LTBP1: variants seen among roughly 807,000 people sequenced by gnomAD.
The protein encoded by LTBP1 is latent-transforming growth factor beta-binding protein 1.
In LTBP1, 129 loss-of-function variants were observed where a neutral mutation model predicts 207.6. The ratio of observed to expected loss-of-function variants is 0.62; its 90% CI spans 0.54 to 0.72. The LOEUF is 0.72. LTBP1 is among the 30% of genes least tolerant of loss of function. LTBP1 has a pLI of 0.00. For missense variants in LTBP1, 2,281 were observed against 2,217.2 expected (o/e 1.03, Z -0.58); for synonymous variants, 963 against 833.7 (o/e 1.16, Z -2.67).
At chr2:33,189,510 A>T (rs2087598837) in intron 7 of LTBP1, among the ~76,000 whole-genome samples, 1 of 152,194 alleles carries the variant, frequency 6.6e-6, no homozygotes, top group African/African-American at 2.4e-5. Flanking sequence ...GAAATGTTTC[A>T]GGAAGTCCAT....
At chr2:33,123,290 C>T (rs1321389802) in intron 4 of LTBP1, among the ~76,000 whole-genome samples, 4 of 152,138 alleles carry the variant, frequency 2.6e-5, no homozygotes, top group African/African-American at 9.7e-5. Context: ...GATTCTTGCC[C>T]ACATGGAATG....
At chr2:33,000,306 A>G (rs569106074) in intron 2 of LTBP1, among the ~76,000 whole-genome samples, 1 of 134,716 alleles carries the variant, frequency 7.4e-6, no homozygotes, top group East Asian at 3.9e-4. Flanking sequence ...GAATGACCCT[A>G]TATGGCAGAT....
intron 2 of LTBP1, among the ~76,000 whole-genome samples, chr2:32,985,567 G>T (rs1455526246): frequency 6.6e-6 from 1 of 152,178 alleles, no homozygotes; most frequent in Non-Finnish European, 1.5e-5. Context: ...CCTGGCTGCT[G>T]AGAGTCTGGA....
chr2:33,380,951 T>TG (rs1236532428), intron 31 of LTBP1, among the ~76,000 whole-genome samples: 6 of 152,224 alleles, frequency 3.9e-5, no homozygotes, highest in Non-Finnish European at 5.9e-5. Flanking sequence ...CTTGTCAGAT[T>TG]GTTGCTTCAG....
At chr2:33,288,683 G>A (rs756305441) in intron 19 of LTBP1, among the ~76,000 whole-genome samples, 19 of 151,786 alleles carry the variant, frequency 1.3e-4, no homozygotes, top group African/African-American at 1.2e-4. Context: ...GTGAAACCCC[G>A]TCTCTATTAA....
chr2:33,363,316 A>G (rs2094947145), intron 28 of LTBP1, 74 bp from the exon 29 acceptor site: 1 of 1,480,596 alleles, frequency 6.8e-7, no homozygotes, highest in Non-Finnish European at 9.3e-7. Flanking sequence ...AAAGCCCCAA[A>G]TCTGGTTAGA....
At chr2:32,987,317 G>A (rs1683747500) in intron 2 of LTBP1, among the ~76,000 whole-genome samples, 1 of 152,120 alleles carries the variant, frequency 6.6e-6, no homozygotes, top group African/African-American at 2.4e-5. Context: ...CAGATGGAGA[G>A]GAAGGAATAG....
intron 5 of LTBP1, among the ~76,000 whole-genome samples, chr2:33,163,117 G>T (rs1193137117): frequency 6.6e-6 from 1 of 152,150 alleles, no homozygotes; most frequent in African/African-American, 2.4e-5. Context: ...AGGTGGCTGG[G>T]ACTACAGGTG....
At chr2:33,300,339 C>A in intron 20 of LTBP1, 112 bp from the exon 21 acceptor site, 4 of 1,014,782 alleles carry the variant, frequency 3.9e-6, no homozygotes, top group Middle Eastern at 2.3e-4. Flanking sequence ...TAGTGCCAGA[C>A]ATAAGAAGTA....
intron 2 of LTBP1, among the ~76,000 whole-genome samples, chr2:32,997,175 G>T (rs76729617): frequency 1.4e-4 from 22 of 152,066 alleles, no homozygotes; most frequent in Non-Finnish European, 2.9e-5. Flanking sequence ...GTGAGCTACT[G>T]CACCCGGCCT....
chr2:33,078,862 CTT>C (rs34843933), intron 3 of LTBP1, among the ~76,000 whole-genome samples: 2 of 106,888 alleles, frequency 1.9e-5, no homozygotes, highest in African/African-American at 6.4e-5. Flanking sequence ...CTTTTCTTTT[CTT>C]TTTTTTTTTT....
chr2:33,217,222 A>G (rs956055699), intron 7 of LTBP1, among the ~76,000 whole-genome samples: 31 of 152,216 alleles, frequency 2.0e-4, no homozygotes, highest in African/African-American at 7.0e-4. Context: ...AAATCTAAAA[A>G]GCCTATATTG....
intron 9 of LTBP1, among the ~76,000 whole-genome samples, chr2:33,224,348 A>G (rs1333510745): frequency 6.6e-6 from 1 of 152,214 alleles, no homozygotes; most frequent in Non-Finnish European, 1.5e-5. Context: ...ATTGTTAGAT[A>G]CATTTTCCAG....
intron 2 of LTBP1, among the ~76,000 whole-genome samples, chr2:32,987,876 C>T (rs56198452): frequency 0.1 from 15,748 of 152,174 alleles, 916 homozygotes; most frequent in Middle Eastern, 0.12. Context: ...TACCTTATGG[C>T]ACAAATACTT....
At chr2:33,258,938 C>T (rs2092937515) in intron 12 of LTBP1, among the ~76,000 whole-genome samples, 1 of 152,196 alleles carries the variant, frequency 6.6e-6, no homozygotes, top group South Asian at 2.1e-4. Context: ...AATACAAAGG[C>T]ATCACCAACA....
At chr2:33,137,694 TTTTGTTTGTTTG>T (rs150599206) in intron 5 of LTBP1, among the ~76,000 whole-genome samples, 16 of 151,816 alleles carry the variant, frequency 1.1e-4, no homozygotes, top group Non-Finnish European at 2.2e-4. Flanking sequence ...GATTTACAGT[TTTTGTTTGTTTG>T]TTTGTTTGTT....
intron 2 of LTBP1, among the ~76,000 whole-genome samples, chr2:32,976,855 A>G (rs1000942143): frequency 4.6e-5 from 7 of 152,178 alleles, no homozygotes; most frequent in Non-Finnish European, 7.4e-5. Context: ...TACAGCAAAC[A>G]AGCAAGCTCT....
chr2:33,155,053 A>T (rs1438722560), intron 5 of LTBP1, among the ~76,000 whole-genome samples: 1 of 152,070 alleles, frequency 6.6e-6, no homozygotes, highest in Non-Finnish European at 1.5e-5. Flanking sequence ...ACAGAGTGAG[A>T]CTCCATCTCA....
At chr2:33,144,249 C>T (rs1250055656) in intron 5 of LTBP1, among the ~76,000 whole-genome samples, 4 of 152,266 alleles carry the variant, frequency 2.6e-5, no homozygotes, top group Non-Finnish European at 4.4e-5. Context: ...TTTACCCCTT[C>T]ACTTTGGTGC....
Sources: allele counts gnomAD v4.1 joint callset (sites outside exome capture counted in the v4.1 genomes callset), GRCh38; gene constraint gnomAD v4.1.1; transcripts MANE v1.5; gene names NCBI Gene and HGNC (gene_info 2026-07-23, HGNC 2026-07-21).